INTS8: variants seen among roughly 807,000 people sequenced by gnomAD.
INTS8 encodes protein kaonashi-1.
Under a neutral mutation model 138.9 loss-of-function variants are expected in INTS8, and 47 were observed. That is an observed-to-expected ratio of 0.34 (90% CI 0.27 to 0.43). The LOEUF (loss-of-function observed/expected upper bound fraction) is 0.43, where lower values mean the gene tolerates loss of function less well. INTS8 is among the 20% of genes least tolerant of loss of function. The pLI is 1.00. For missense variants in INTS8, 996 were observed against 1,173.0 expected (o/e 0.85, Z 2.20); for synonymous variants, 392 against 400.9 (o/e 0.98, Z 0.27).
At chr8:94,878,755 A>T (rs6983000) in intron 26 of INTS8, among the ~76,000 whole-genome samples, 109,453 of 152,100 alleles carry the variant, frequency 0.72, 39,499 homozygotes, top group Middle Eastern at 0.83. Flanking sequence ...CACTGCTCTT[A>T]CTTTTCTCTC....
intron 26 of INTS8, among the ~76,000 whole-genome samples, chr8:94,877,403 G>T (rs1262975293): frequency 6.6e-6 from 1 of 152,100 alleles, no homozygotes; most frequent in Non-Finnish European, 1.5e-5. Context: ...AAAACAAAAA[G>T]GAAAAAGAAT....
At chr8:94,851,468 T>G in intron 12 of INTS8, 85 bp from the exon 13 acceptor site, 1 of 902,720 alleles carries the variant, frequency 1.1e-6, no homozygotes, top group East Asian at 3.1e-5. Flanking sequence ...TTTATAGATA[T>G]AATACAAAAT....
At chr8:94,870,681 T>G (rs1816363920) in intron 20 of INTS8, among the ~76,000 whole-genome samples, 1 of 152,226 alleles carries the variant, frequency 6.6e-6, no homozygotes, top group South Asian at 2.1e-4. Context: ...AATGGACTAT[T>G]TGCTAATAAT....
intron 14 of INTS8, among the ~76,000 whole-genome samples, chr8:94,856,022 G>C (rs1168548947): frequency 6.6e-6 from 1 of 152,214 alleles, no homozygotes; most frequent in Non-Finnish European, 1.5e-5. Flanking sequence ...AATATAAAGA[G>C]CGTGAGACCC....
chr8:94,871,010 T>C (rs1009262731), intron 20 of INTS8, among the ~76,000 whole-genome samples: 4 of 152,236 alleles, frequency 2.6e-5, no homozygotes, highest in Admixed American at 1.3e-4. Flanking sequence ...TGATATGATA[T>C]ACTTGGACAT....
At chr8:94,853,648 C>T (rs1218804480) in intron 13 of INTS8, 157 bp from the exon 14 acceptor site, 14 of 487,824 alleles carry the variant, frequency 2.9e-5, no homozygotes, top group South Asian at 1.4e-4. Context: ...TGTTCATTTT[C>T]GTTAGTGTTA....
intron 20 of INTS8, among the ~76,000 whole-genome samples, chr8:94,868,130 A>T (rs1816250554): frequency 6.6e-6 from 1 of 152,202 alleles, no homozygotes; most frequent in Non-Finnish European, 1.5e-5. Flanking sequence ...ACTACCTGAG[A>T]ATCACAGTAA....
In INTS8 at chr8:94,873,485, G is replaced by A. The variant is rs1816472192; in HGVS notation, c.2637+8G>A. The A allele has an allele frequency of 3.2e-6, 5 of 1,577,906 alleles. No homozygotes were observed. Among genetic ancestry groups the A allele is most frequent in the Non-Finnish European group, 4.4e-6 (5 of 1,147,374 alleles). ...GATGTTTATACAGACCAGGTGAATT[G>A]TTTTCGTGGGCTGGCTGGTTTCTTG... On this transcript the variant is annotated splice_region_variant and intron_variant, in intron 22 of 26. Transcript: ENST00000523731.
At chr8:94,856,689 C>T (rs1388784842) in intron 14 of INTS8, 88 bp from the exon 15 acceptor site, 13 of 1,030,688 alleles carry the variant, frequency 1.3e-5, no homozygotes, top group African/African-American at 6.4e-5. Flanking sequence ...TGAAATAATC[C>T]TTCTCCTCTT....
chr8:94,872,852 T>G (rs1816445745), intron 21 of INTS8, among the ~76,000 whole-genome samples: 1 of 152,212 alleles, frequency 6.6e-6, no homozygotes, highest in African/African-American at 2.4e-5. Context: ...ATGAGTTGAA[T>G]TTTTTAAAGG....
intron 23 of INTS8, among the ~76,000 whole-genome samples, chr8:94,874,990 C>G (rs1816521276): frequency 6.6e-6 from 1 of 152,106 alleles, no homozygotes; most frequent in African/African-American, 2.4e-5. Flanking sequence ...AATTGGCACC[C>G]TCATATGTTG....
At chr8:94,866,489 TG>T (rs774409202) in intron 18 of INTS8, 7 of 307,506 alleles carry the variant, frequency 2.3e-5, no homozygotes, top group Non-Finnish European at 1.2e-5. Flanking sequence ...CTCCCCTTGT[TG>T]CCCAGGCTAG....
intron 5 of INTS8, among the ~76,000 whole-genome samples, chr8:94,831,669 A>G (rs1199536005): frequency 1.3e-5 from 2 of 150,840 alleles, no homozygotes; most frequent in African/African-American, 2.4e-5. Flanking sequence ...TTTAGTAGAG[A>G]TGAGGTTTCA....
intron 15 of INTS8, among the ~76,000 whole-genome samples, 195 bp from the exon 16 acceptor site, chr8:94,859,316 G>T (rs1182282301): frequency 6.6e-6 from 1 of 151,518 alleles, no homozygotes; most frequent in Non-Finnish European, 1.5e-5. Context: ...GTCTCACTCT[G>T]TTGCCCAGGC....
chr8:94,854,147 T>G (rs1233701948), intron 14 of INTS8, among the ~76,000 whole-genome samples: 1 of 124,132 alleles, frequency 8.1e-6, no homozygotes, highest in African/African-American at 3.2e-5. Flanking sequence ...TCATGGGAGG[T>G]GGAGGTTGGA....
Position 94,880,251 on chromosome 8 carries a change from A to G in INTS8, c.*17A>G. The G allele has an allele frequency of 7.0e-7, 1 of 1,419,396 alleles. No homozygotes were observed. The highest frequency in any genetic ancestry group is 9.8e-7 in the Non-Finnish European group (1 of 1,018,950). 87.9% of individuals were successfully genotyped at this position (1,419,396 alleles called of 1,614,324 possible). On this transcript the variant is annotated 3_prime_UTR_variant, in exon 27 of 27. Coordinates refer to ENST00000523731, the MANE Select transcript of INTS8 (RefSeq NM_017864.4). ...TACTTTTAAGCAGTTAAATTTTTTTAACTTTTATTTTTTAAACAATGGGCT... is the reference window on the plus strand; with the variant it reads ...TACTTTTAAGCAGTTAAATTTTTTTGACTTTTATTTTTTAAACAATGGGCT...
chr8:94,866,103 A>C, intron 17 of INTS8, 55 bp from the exon 18 acceptor site: 1 of 764,992 alleles, frequency 1.3e-6, no homozygotes, highest in Non-Finnish European at 2.2e-6. Context: ...TACTTTCTTG[A>C]TTTTATTTTT....
rs114108053 is a variant in INTS8 at position 94,863,927 on chromosome 8, G to A, written c.2077-1579G>A. ...ATGTCTATTCACCTAGTATAGGCAG[G>A]GTTTTTATGTTATTCTCACGAGCTT... is the stretch of plus-strand genomic sequence containing the variant. On this transcript the variant is annotated intron_variant, in intron 16 of 26. Coordinates refer to ENST00000523731, the MANE Select transcript of INTS8 (RefSeq NM_017864.4). Among the ~76,000 whole-genome samples the A allele has an allele frequency of 6.6e-3, 1,001 of 152,162 alleles. 9 individuals are homozygous for A. Among genetic ancestry groups the A allele is most frequent in the African/African-American group, 0.023 (942 of 41,498 alleles).
intron 10 of INTS8, among the ~76,000 whole-genome samples, chr8:94,848,804 A>G (rs2131028129): frequency 6.6e-6 from 1 of 152,286 alleles, no homozygotes; most frequent in Non-Finnish European, 1.5e-5. Flanking sequence ...CGTAAAAAAT[A>G]TTTAGCAATT....
Sources: gnomAD v4.1 joint callset for allele counts (sites outside exome capture counted in the v4.1 genomes callset) on GRCh38, gnomAD v4.1.1 for gene constraint, MANE v1.5 for transcripts, NCBI Gene and HGNC (gene_info 2026-07-23, HGNC 2026-07-21) for gene names.